GALNTL6: variants seen among roughly 807,000 people sequenced by gnomAD.
The protein encoded by GALNTL6 is polypeptide N-acetylgalactosaminyltransferase like 6, also known as polypeptide N-acetylgalactosaminyltransferase-like 6.
A neutral mutation model predicts 73.7 loss-of-function variants in GALNTL6; 46 were observed. The observed-to-expected ratio is 0.62, with a 90% CI of 0.49 to 0.80. The LOEUF (loss-of-function observed/expected upper bound fraction) is 0.80. Among genes scored for constraint, GALNTL6 ranks in the 30% least tolerant of loss-of-function variants. GALNTL6 has a pLI of 0.00. For missense variants in GALNTL6, 604 were observed against 755.0 expected, an observed-to-expected ratio of 0.80 and a Z score of 2.34; for synonymous variants, 259 against 263.7, an observed-to-expected ratio of 0.98 and a Z score of 0.17.
intron 5 of GALNTL6, among the ~76,000 whole-genome samples, chr4:172,440,755 CTT>C (rs532517308): frequency 6.3e-4 from 94 of 148,454 alleles, no homozygotes; most frequent in African/African-American, 2.1e-3. Flanking sequence ...TTCCTTCTAA[CTT>C]TGCTGTAAAT....
chr4:172,857,315 G>A (rs1418639071), intron 7 of GALNTL6, among the ~76,000 whole-genome samples: 1 of 152,134 alleles, frequency 6.6e-6, no homozygotes, highest in Non-Finnish European at 1.5e-5. Context: ...AAAAGCTGAG[G>A]ATGGTCTCAT....
chr4:172,232,235 C>G (rs957165974), intron 3 of GALNTL6, among the ~76,000 whole-genome samples: 1 of 152,054 alleles, frequency 6.6e-6, no homozygotes, highest in Non-Finnish European at 1.5e-5. Context: ...TGTGTTTACT[C>G]TCTTATTTTT....
chr4:172,291,144 T>C (rs1394584516), intron 3 of GALNTL6, among the ~76,000 whole-genome samples: 2 of 152,144 alleles, frequency 1.3e-5, no homozygotes, highest in Non-Finnish European at 2.9e-5. Context: ...TTTCAGTTGC[T>C]TCTAATATAA....
chr4:172,964,041 A>G (rs1229502428), intron 10 of GALNTL6, among the ~76,000 whole-genome samples: 6 of 152,174 alleles, frequency 3.9e-5, no homozygotes, highest in Admixed American at 6.5e-5. Flanking sequence ...GAGAATAAAT[A>G]GGATTCTGAA....
At chr4:172,225,000 A>T (rs1481327541) in intron 2 of GALNTL6, among the ~76,000 whole-genome samples, 1 of 152,120 alleles carries the variant, frequency 6.6e-6, no homozygotes, top group Non-Finnish European at 1.5e-5. Flanking sequence ...TATCACAGTG[A>T]ATAAAAAGTC....
intron 2 of GALNTL6, among the ~76,000 whole-genome samples, chr4:172,156,540 A>AGTATATATGTATAT (rs58197299): frequency 8.0e-6 from 1 of 125,184 alleles, no homozygotes; most frequent in African/African-American, 3.4e-5. Flanking sequence ...ATATATATAT[A>AGTATATATGTATAT]ATATATATAT....
At chr4:172,395,971 A>T (rs1256355185) in intron 5 of GALNTL6, among the ~76,000 whole-genome samples, 3 of 152,164 alleles carry the variant, frequency 2.0e-5, no homozygotes, top group Admixed American at 1.3e-4. Flanking sequence ...AAGAGGCTAA[A>T]TCAACGTGTA....
chr4:172,093,217 C>T (rs548998954), intron 2 of GALNTL6, among the ~76,000 whole-genome samples: 10 of 152,274 alleles, frequency 6.6e-5, no homozygotes, highest in African/African-American at 2.4e-4. Context: ...CTGTCAATCT[C>T]AGTCAACTTT....
intron 5 of GALNTL6, among the ~76,000 whole-genome samples, chr4:172,416,414 G>A (rs762099378): frequency 6.6e-6 from 1 of 152,162 alleles, no homozygotes; most frequent in Non-Finnish European, 1.5e-5. Flanking sequence ...AGTGCAGTAA[G>A]ATATTCTTTC....
intron 2 of GALNTL6, among the ~76,000 whole-genome samples, chr4:172,090,345 C>T (rs1476453653): frequency 3.8e-4 from 58 of 152,216 alleles, no homozygotes; most frequent in Admixed American, 3.8e-3. Flanking sequence ...TATTTCTCCA[C>T]ATCCTCTCCA....
Position 172,790,745 on chromosome 4 carries a change from T to A in GALNTL6, c.554-18616T>A, listed in dbSNP as rs150830384. On this transcript the variant is annotated intron_variant, in intron 5 of 12. Transcript: ENST00000506823. ...GTCTCTACTAAAAATACAAAAAAAA[T>A]TAGCTGGGCATGGTGATGTGCACCT... 5.4e-3 allele frequency among the ~76,000 whole-genome samples: 824 copies of A among 151,806 alleles called. 18 individuals carry two copies. The highest frequency in any genetic ancestry group is 0.019 in the African/African-American group (787 of 41,390).
At chr4:172,831,922 C>G (rs1267529426) in intron 7 of GALNTL6, among the ~76,000 whole-genome samples, 2 of 152,194 alleles carry the variant, frequency 1.3e-5, no homozygotes, top group Admixed American at 6.5e-5. Flanking sequence ...GTGCTGGCAC[C>G]CTGATCTCCG....
chr4:172,499,706 C>T (rs1178024090), intron 5 of GALNTL6, among the ~76,000 whole-genome samples: 1 of 152,150 alleles, frequency 6.6e-6, no homozygotes, highest in East Asian at 1.9e-4. Flanking sequence ...GTAAAGAGTT[C>T]TCATGCAACA....
At position 172,014,878 on chromosome 4, in the gene GALNTL6, GA is replaced by G. The variant is rs201443929; in HGVS notation, c.138+200162del. Among the ~76,000 whole-genome samples the G allele has an allele frequency of 3.2e-3, 492 of 152,120 alleles. 12 individuals carry two copies. In the East Asian group the frequency reaches 0.049, roughly 15 times the overall value. ...TAGTTTCGAAGGTTCCATTCGGAGT[GA>G]ATTTCCAGTTTTATTCCACAGTGGT... is the stretch of plus-strand genomic sequence containing the variant. On this transcript the variant is annotated intron_variant, in intron 2 of 12. Transcript: ENST00000506823.
intron 2 of GALNTL6, among the ~76,000 whole-genome samples, chr4:171,830,862 C>A (rs780696581): frequency 2.0e-5 from 3 of 152,066 alleles, no homozygotes; most frequent in Non-Finnish European, 4.4e-5. Context: ...TATGCAATTT[C>A]TGTTGTATAA....
At chr4:172,349,127 A>G (rs1009961464) in intron 5 of GALNTL6, among the ~76,000 whole-genome samples, 8 of 152,178 alleles carry the variant, frequency 5.3e-5, no homozygotes, top group Non-Finnish European at 1.2e-4. Flanking sequence ...CATAAATATT[A>G]GAAACTATAA....
At chr4:172,892,719 T>TG (rs147419213) in intron 8 of GALNTL6, among the ~76,000 whole-genome samples, 8,915 of 151,684 alleles carry the variant, frequency 0.059, 303 homozygotes, top group Middle Eastern at 0.16. Context: ...AGATGGGAGA[T>TG]GGGGGGCAAG....
At chr4:172,226,192 T>A (rs1025549923) in intron 2 of GALNTL6, among the ~76,000 whole-genome samples, 18 of 152,244 alleles carry the variant, frequency 1.2e-4, no homozygotes, top group Admixed American at 3.3e-4. Flanking sequence ...TTTCATTCTG[T>A]CATATGACTC....
intron 7 of GALNTL6, among the ~76,000 whole-genome samples, chr4:172,863,035 T>G (rs921820947): frequency 1.2e-4 from 18 of 152,230 alleles, no homozygotes; most frequent in African/African-American, 4.3e-4. Context: ...CTTGGCAGCT[T>G]CCAGTGGTGT....
Sources: allele counts gnomAD v4.1 joint callset (sites outside exome capture counted in the v4.1 genomes callset), GRCh38; gene constraint gnomAD v4.1.1; transcripts MANE v1.5; gene names NCBI Gene and HGNC (gene_info 2026-07-23, HGNC 2026-07-21).